Variants in PDZRN3 observed in about 807,000 individuals in gnomAD.
The protein encoded by PDZRN3 is E3 ubiquitin-protein ligase PDZRN3.
In PDZRN3, 38 loss-of-function variants were observed where a neutral mutation model predicts 85.7. That is an observed-to-expected ratio of 0.44 (90% confidence interval 0.34 to 0.58). PDZRN3 has a LOEUF of 0.58. Ranked by LOEUF, PDZRN3 falls within the 20% of genes least tolerant of loss-of-function variation. The pLI is 0.01. For synonymous variants in PDZRN3, 759 were observed against 638.0 expected (o/e 1.19, Z -2.86); for missense variants, 1,629 against 1,506.4 (o/e 1.08, Z -1.35).
intron 3 of PDZRN3, among the ~76,000 whole-genome samples, chr3:73,593,004 A>G (rs1702381192): frequency 6.6e-6 from 1 of 152,108 alleles, no homozygotes; most frequent in African/African-American, 2.4e-5. Flanking sequence ...CATTTAAGTC[A>G]GCCCATCCCT....
At chr3:73,624,081 G>C (rs1022976631) in intron 1 of PDZRN3, 22 bp downstream of exon 1, 43 of 1,421,836 alleles carry the variant, frequency 3.0e-5, no homozygotes, top group African/African-American at 4.5e-5. Context: ...GCTGGAGGTC[G>C]GGGCGGGCAG....
intron 3 of PDZRN3, among the ~76,000 whole-genome samples, chr3:73,471,568 T>C (rs1301679948): frequency 6.6e-6 from 1 of 152,194 alleles, no homozygotes; most frequent in African/African-American, 2.4e-5. Context: ...ATGCATGTCT[T>C]GGAGCCGGGC....
chr3:73,520,118 G>A (rs1342627661), intron 3 of PDZRN3, among the ~76,000 whole-genome samples: 2 of 152,142 alleles, frequency 1.3e-5, no homozygotes, highest in African/African-American at 4.8e-5. Context: ...AGACACCCCT[G>A]GCACTCTGCT....
chr3:73,541,103 T>C (rs1704910877), intron 3 of PDZRN3, among the ~76,000 whole-genome samples: 1 of 152,216 alleles, frequency 6.6e-6, no homozygotes, highest in Non-Finnish European at 1.5e-5. Flanking sequence ...AAATTTTGAA[T>C]TGAATGTCAG....
At chr3:73,585,084 C>A (rs917140019) in intron 3 of PDZRN3, among the ~76,000 whole-genome samples, 1 of 152,174 alleles carries the variant, frequency 6.6e-6, no homozygotes, top group Non-Finnish European at 1.5e-5. Context: ...AACACATAAG[C>A]AGATGCCCCA....
intron 3 of PDZRN3, among the ~76,000 whole-genome samples, chr3:73,498,001 G>A (rs1703900648): frequency 6.6e-6 from 1 of 152,186 alleles, no homozygotes; most frequent in Admixed American, 6.5e-5. Flanking sequence ...CAACAGTTGA[G>A]CTTGCTGGTT....
chr3:73,545,128 C>T (rs1000503110), intron 3 of PDZRN3, among the ~76,000 whole-genome samples: 4 of 152,170 alleles, frequency 2.6e-5, no homozygotes, highest in African/African-American at 9.7e-5. Flanking sequence ...TTTACTGAGC[C>T]CACACTGGGT....
At chr3:73,602,530 C>T in intron 2 of PDZRN3, 69 bp from the exon 3 acceptor site, 1 of 801,444 alleles carries the variant, frequency 1.2e-6, no homozygotes, top group South Asian at 1.5e-5. Flanking sequence ...AAAGCTTGCA[C>T]TCTTAAAACA....
intron 3 of PDZRN3, among the ~76,000 whole-genome samples, chr3:73,502,628 T>TGAGACTGGCAGCTCATG (rs1704002478): frequency 6.6e-6 from 1 of 152,240 alleles, no homozygotes; most frequent in South Asian, 2.1e-4. Context: ...TGCTATGTTC[T>TGAGACTGGCAGCTCATG]GAGACTGGCA....
chr3:73,564,613 C>A (rs1701905510), intron 3 of PDZRN3, among the ~76,000 whole-genome samples: 1 of 152,196 alleles, frequency 6.6e-6, no homozygotes, highest in South Asian at 2.1e-4. Flanking sequence ...CCTCTTAGGG[C>A]TTTTCACTCT....
rs1424972340 is a variant in PDZRN3, at chr3:73,482,560, C to A, written c.919-78165G>T. 2.6e-5 allele frequency among the ~76,000 whole-genome samples: 4 copies of A among 152,148 alleles called. No homozygotes were observed. In the East Asian group the frequency reaches 5.8e-4, roughly 22 times the overall value. On this transcript the variant is annotated intron_variant, in intron 3 of 9. Coordinates refer to ENST00000263666, the MANE Select transcript of PDZRN3 (RefSeq NM_015009.3). Reference sequence around the variant, plus strand: ...GTTATTATTGTATTTGTTTTTAAATCTCTGACAGTCTTCAACTCCATTTTT... The same window carrying A: ...GTTATTATTGTATTTGTTTTTAAATATCTGACAGTCTTCAACTCCATTTTT...
chr3:73,417,454 A>G (rs939102907), intron 3 of PDZRN3, among the ~76,000 whole-genome samples: 50 of 152,174 alleles, frequency 3.3e-4, no homozygotes, highest in African/African-American at 1.2e-3. Context: ...ACGTGCGGGG[A>G]AATACCATTT....
At chr3:73,455,327 C>T (rs1036820107) in intron 3 of PDZRN3, among the ~76,000 whole-genome samples, 2 of 152,194 alleles carry the variant, frequency 1.3e-5, no homozygotes, top group African/African-American at 4.8e-5. Flanking sequence ...GGTACCCTAA[C>T]CTTCTCAGGA....
chr3:73,393,923 T>G (rs931523482), intron 5 of PDZRN3, among the ~76,000 whole-genome samples: 20 of 152,206 alleles, frequency 1.3e-4, no homozygotes, highest in African/African-American at 4.6e-4. Flanking sequence ...TTGTCAGTAT[T>G]TTGATTGACA....
chr3:73,581,288 A>T (rs1048508905), intron 3 of PDZRN3, among the ~76,000 whole-genome samples: 4 of 152,322 alleles, frequency 2.6e-5, no homozygotes, highest in South Asian at 4.1e-4. Context: ...TACACACTCA[A>T]CTATGTTATG....
At chr3:73,405,896 T>TC (rs1162745346) in intron 3 of PDZRN3, among the ~76,000 whole-genome samples, 1 of 152,164 alleles carries the variant, frequency 6.6e-6, no homozygotes, top group Non-Finnish European at 1.5e-5. Context: ...TCTCTTTTTT[T>TC]CCCCCAAACC....
At chr3:73,503,099 GATTTT>G (rs982877899) in intron 3 of PDZRN3, among the ~76,000 whole-genome samples, 3 of 152,224 alleles carry the variant, frequency 2.0e-5, no homozygotes, top group African/African-American at 7.2e-5. Flanking sequence ...ATGCTTTCTT[GATTTT>G]AACTTAAAAA....
At chr3:73,618,534 T>C (rs9827720) in intron 1 of PDZRN3, among the ~76,000 whole-genome samples, 2,107 of 152,314 alleles carry the variant, frequency 0.014, 46 homozygotes, top group African/African-American at 0.049. Flanking sequence ...AGATAATGTA[T>C]GCACATACAG....
chr3:73,415,915 A>G (rs960633704), intron 3 of PDZRN3, among the ~76,000 whole-genome samples: 5 of 149,176 alleles, frequency 3.4e-5, no homozygotes. Flanking sequence ...AGTATTAACT[A>G]TGGCTAATAA....
Sources: gnomAD v4.1 joint callset for allele counts (sites outside exome capture counted in the v4.1 genomes callset) on GRCh38, gnomAD v4.1.1 for gene constraint, MANE v1.5 for transcripts, NCBI Gene and HGNC (gene_info 2026-07-23, HGNC 2026-07-21) for gene names.